The following KANSL1 variants were observed in gnomAD, a reference collection of about 807,000 sequenced individuals.
KANSL1 encodes KAT8 regulatory NSL complex subunit 1, also known as MLL1/MLL complex subunit KANSL1.
Under a neutral mutation model 103.6 loss-of-function variants are expected in KANSL1, and 22 were observed. That is an observed-to-expected ratio of 0.21 (90% confidence interval 0.15 to 0.30). The LOEUF is 0.30. Ranked by LOEUF, KANSL1 falls within the 10% of genes least tolerant of loss-of-function variation. The probability of loss-of-function intolerance (pLI) is 1.00; values close to 1 mark genes in which losing one functional copy is unlikely to be tolerated. For missense variants in KANSL1, 1,337 were observed against 1,399.8 expected, an observed-to-expected ratio of 0.96 and a Z score of 0.72; for synonymous variants, 600 against 527.6, an observed-to-expected ratio of 1.14 and a Z score of -1.88.
At position 46,140,409 on chromosome 17, in the gene KANSL1, G is replaced by T. The variant is rs532241888; in HGVS notation, c.1289+30446C>A. Among the ~76,000 whole-genome samples, 63 of 151,848 alleles carry T rather than the reference G, an allele frequency of 4.1e-4. 1 individual carries two copies. The highest frequency in any genetic ancestry group is 4.1e-3 in the Admixed American group (63 of 15,248). ...CCATACAGAAAACTAACTTAAAGTC[G>T]ATCAAAGCCCTACTTAAATGTAAGC... On this transcript the variant is annotated intron_variant, in intron 2 of 14. Coordinates refer to ENST00000432791, the MANE Select transcript of KANSL1 (RefSeq NM_015443.4).
intron 11 of KANSL1, 178 bp from the exon 12 acceptor site, chr17:46,033,638 C>T (rs2077071709): frequency 3.2e-6 from 2 of 629,998 alleles, no homozygotes; most frequent in Non-Finnish European, 5.7e-6. Context: ...GTGAAATTGG[C>T]CACCTACTCA....
intron 6 of KANSL1, among the ~76,000 whole-genome samples, chr17:46,064,053 T>TAAAAAAAAAAAAAAAAAAAAA (rs58111244): frequency 2.8e-5 from 3 of 105,726 alleles, no homozygotes; most frequent in African/African-American, 3.5e-5. Context: ...CGACTATTAG[T>TAAAAAAAAAAAAAAAAAAAAA]AAAAAAAAAA....
In KANSL1 at chr17:46,213,916, T is replaced by TA. The variant is rs77233059; in HGVS notation, c.-90+9754dup. Among the ~76,000 whole-genome samples, 754 of 145,616 alleles carry TA rather than the reference T, an allele frequency of 5.2e-3. 7 individuals are homozygous for TA. Among genetic ancestry groups the TA allele is most frequent in the African/African-American group, 0.012 (462 of 39,384 alleles). On this transcript the variant is annotated intron_variant, in intron 1 of 14. Transcript: ENST00000572904. ...CTGGGCAACAGAGTGAGACTCCATT[T>TA]AAAAAAAAAAAAACTAATATGCAAG...
intron 10 of KANSL1, among the ~76,000 whole-genome samples, chr17:46,036,748 C>A (rs1438446835): frequency 2.0e-5 from 3 of 150,148 alleles, no homozygotes; most frequent in African/African-American, 7.4e-5. Context: ...GAGACGAAGT[C>A]TTGCTGCGAC....
intron 2 of KANSL1, among the ~76,000 whole-genome samples, chr17:46,099,043 G>GTAAAGATAGA (rs1160304540): frequency 1.8e-5 from 2 of 113,018 alleles, no homozygotes; most frequent in Non-Finnish European, 4.8e-5. Context: ...AATACAAGCG[G>GTAAAGATAGA]CCGGGCGCGG....
At chr17:46,220,020 A>G (rs2048473836) in intron 1 of KANSL1, among the ~76,000 whole-genome samples, 1 of 151,850 alleles carries the variant, frequency 6.6e-6, no homozygotes, top group Non-Finnish European at 1.5e-5. Context: ...GGAGAATGAC[A>G]TGAACCCAGG....
chr17:46,191,112 A>G (rs1307216798), intron 1 of KANSL1, among the ~76,000 whole-genome samples: 1 of 152,236 alleles, frequency 6.6e-6, no homozygotes, highest in African/African-American at 2.4e-5. Flanking sequence ...AAAAAACCAG[A>G]AATGTACTTC....
chr17:46,101,827 A>G (rs2042335575), intron 2 of KANSL1, among the ~76,000 whole-genome samples: 2 of 152,028 alleles, frequency 1.3e-5, no homozygotes, highest in Admixed American at 6.5e-5. Context: ...TTCCGTATCA[A>G]AAAGGTACAA....
intron 3 of KANSL1, chr17:46,088,589 G>A (rs1262297958): frequency 6.6e-6 from 1 of 152,180 alleles, no homozygotes; most frequent in African/African-American, 2.4e-5. Context: ...AGTCAGAAGA[G>A]GAGATTTTAA....
intron 2 of KANSL1, among the ~76,000 whole-genome samples, chr17:46,097,607 T>C (rs1248811889): frequency 6.6e-6 from 1 of 152,238 alleles, no homozygotes; most frequent in African/African-American, 2.4e-5. Flanking sequence ...TTAACATTGT[T>C]TAAATATTAC....
intron 1 of KANSL1, among the ~76,000 whole-genome samples, chr17:46,174,131 T>C (rs1484916151): frequency 8.6e-6 from 1 of 115,718 alleles, no homozygotes; most frequent in Non-Finnish European, 2.3e-5. Flanking sequence ...TTTTGAAAAC[T>C]TGTATCAACA....
intron 2 of KANSL1, among the ~76,000 whole-genome samples, chr17:46,165,063 C>T (rs1372971188): frequency 6.6e-6 from 1 of 152,176 alleles, no homozygotes; most frequent in African/African-American, 2.4e-5. Context: ...GCTGACATCA[C>T]GCCACTGCAC....
chr17:46,221,223 G>A (rs1159220905), intron 1 of KANSL1: 3 of 151,964 alleles, frequency 2.0e-5, no homozygotes. Context: ...CCATAGTTCA[G>A]TCTAGCACAC....
At chr17:46,146,344 T>C (rs1044304707) in intron 2 of KANSL1, among the ~76,000 whole-genome samples, 2 of 152,176 alleles carry the variant, frequency 1.3e-5, no homozygotes, top group Non-Finnish European at 2.9e-5. Flanking sequence ...GGAAATCAAT[T>C]TGAAAAGGTT....
At chr17:46,210,583 G>A (rs529375251) in intron 1 of KANSL1, among the ~76,000 whole-genome samples, 6 of 151,742 alleles carry the variant, frequency 4.0e-5, no homozygotes, top group African/African-American at 1.5e-4. Context: ...TAGATGCTGA[G>A]GTACTTCCCC....
intron 1 of KANSL1, among the ~76,000 whole-genome samples, chr17:46,212,109 A>G (rs1331806373): frequency 3.9e-5 from 6 of 152,156 alleles, no homozygotes; most frequent in African/African-American, 7.2e-5. Context: ...ATACATACAT[A>G]TTATACTAGA....
intron 7 of KANSL1, 75 bp downstream of exon 7, chr17:46,050,458 C>T: frequency 1.4e-6 from 2 of 1,442,614 alleles, no homozygotes; most frequent in Non-Finnish European, 1.9e-6. Context: ...GTAACTGCAC[C>T]TTGGCTGATT....
upstream of KANSL1, among the ~76,000 whole-genome samples, chr17:46,197,368 C>A (rs1055347538): frequency 6.6e-6 from 1 of 152,222 alleles, no homozygotes. Context: ...GTAGGCTGGG[C>A]GTGGTGGCTC....
At position 46,030,429 on chromosome 17, in the gene KANSL1, A is replaced by T. The variant is rs1017619560; in HGVS notation, c.*1047T>A. 1.3e-5 allele frequency: 2 copies of T among 152,012 alleles called. No homozygotes were observed. Among genetic ancestry groups the T allele is most frequent in the African/African-American group, 4.8e-5 (2 of 41,356 alleles). 9.4% of individuals were successfully genotyped at this position (152,012 alleles called of 1,614,324 possible). A position where few individuals can be genotyped will look rare whatever the true frequency, so the allele number is the denominator to read the frequency against. ...TTTTGGTGATGTGATCATACAGGAGACAGGCACAAGGTTAACAGAGAAGGG... is the reference window on the plus strand; with the variant it reads ...TTTTGGTGATGTGATCATACAGGAGTCAGGCACAAGGTTAACAGAGAAGGG... On this transcript the variant is annotated 3_prime_UTR_variant, in exon 15 of 15. Coordinates refer to ENST00000432791, the MANE Select transcript of KANSL1 (RefSeq NM_015443.4).
Sources: gnomAD v4.1 joint callset for allele counts (sites outside exome capture counted in the v4.1 genomes callset) on GRCh38, gnomAD v4.1.1 for gene constraint, MANE v1.5 for transcripts, NCBI Gene and HGNC (gene_info 2026-07-23, HGNC 2026-07-21) for gene names.